MATCAP2: variants seen among roughly 807,000 people sequenced by gnomAD.
MATCAP2 encodes microtubule associated tyrosine carboxypeptidase 2, also known as putative tyrosine carboxypeptidase MATCAP2.
At chr7:36,341,480 T>C in the MATCAP2 span, among the ~76,000 whole-genome samples, 1 of 152,238 alleles carries the variant, frequency 6.6e-6, no homozygotes, top group South Asian at 2.1e-4. Context: ...TGAATATTTA[T>C]GCCCCACCCA....
chr7:36,333,096 C>T, the MATCAP2 span, among the ~76,000 whole-genome samples: 1 of 152,140 alleles, frequency 6.6e-6, no homozygotes, highest in African/African-American at 2.4e-5. Context: ...CAGACTTAAA[C>T]GTTCCTGCCT....
the MATCAP2 span, among the ~76,000 whole-genome samples, chr7:36,387,097 A>C: frequency 6.6e-6 from 1 of 152,216 alleles, no homozygotes; most frequent in African/African-American, 2.4e-5. Flanking sequence ...ATTAGTGAGG[A>C]TAAATCCCAT....
At chr7:36,334,697 C>G in the MATCAP2 span, among the ~76,000 whole-genome samples, 1 of 151,972 alleles carries the variant, frequency 6.6e-6, no homozygotes, top group African/African-American at 2.4e-5. Flanking sequence ...GAGGTATAAC[C>G]TTTATAACAA....
the MATCAP2 span, among the ~76,000 whole-genome samples, chr7:36,339,845 T>C: frequency 6.6e-6 from 1 of 152,226 alleles, no homozygotes; most frequent in South Asian, 2.1e-4. Context: ...ATAGATATTT[T>C]TTTTATTTTC....
the MATCAP2 span, among the ~76,000 whole-genome samples, chr7:36,365,060 C>T: frequency 2.3e-4 from 35 of 152,248 alleles, no homozygotes; most frequent in South Asian, 2.1e-4. Context: ...CTACTACTTT[C>T]TAAAGTATCT....
chr7:36,343,635 A>AAAAAG, the MATCAP2 span, among the ~76,000 whole-genome samples: 3 of 25,464 alleles, frequency 1.2e-4, no homozygotes, highest in Non-Finnish European at 3.1e-4. Context: ...AAAAGAAAAG[A>AAAAAG]AAAAGAAAAA....
At chr7:36,330,265 T>C in the MATCAP2 span, among the ~76,000 whole-genome samples, 1 of 151,756 alleles carries the variant, frequency 6.6e-6, no homozygotes, top group African/African-American at 2.4e-5. Context: ...TTAAAATTTT[T>C]TATAAAGACA....
At chr7:36,362,893 A>C in the MATCAP2 span, among the ~76,000 whole-genome samples, 100 of 152,284 alleles carry the variant, frequency 6.6e-4, no homozygotes, top group East Asian at 8.5e-3. Context: ...CTCTTCTTCG[A>C]AGTACTTTAT....
chr7:36,377,874 T>G, the MATCAP2 span, among the ~76,000 whole-genome samples: 1 of 152,254 alleles, frequency 6.6e-6, no homozygotes, highest in African/African-American at 2.4e-5. Context: ...CTGATATCCT[T>G]TCTTCCACTT....
chr7:36,325,795 T>A, the MATCAP2 span: 2 of 152,150 alleles, frequency 1.3e-5, no homozygotes, highest in Non-Finnish European at 2.9e-5. Context: ...TGATAAAATA[T>A]ACTGAACCAA....
At chr7:36,368,971 C>T in the MATCAP2 span, among the ~76,000 whole-genome samples, 3 of 152,162 alleles carry the variant, frequency 2.0e-5, no homozygotes, top group East Asian at 5.8e-4. Flanking sequence ...TTCATATTTC[C>T]TATAGCCCTT....
the MATCAP2 span, among the ~76,000 whole-genome samples, chr7:36,386,927 G>A: frequency 6.6e-6 from 1 of 152,032 alleles, no homozygotes; most frequent in African/African-American, 2.4e-5. Flanking sequence ...AGAAAGTTTT[G>A]CATGTGCATA....
chr7:36,366,891 G>T, the MATCAP2 span: 1 of 1,473,494 alleles, frequency 6.8e-7, no homozygotes, highest in Non-Finnish European at 8.9e-7. Context: ...CACCCCCGCC[G>T]CGGCCAGCCC....
chr7:36,355,741 T>C, the MATCAP2 span: 1 of 152,154 alleles, frequency 6.6e-6, no homozygotes, highest in African/African-American at 2.4e-5. Context: ...GTTTTACCTA[T>C]CCTACAAACA....
the MATCAP2 span, among the ~76,000 whole-genome samples, chr7:36,340,980 G>C: frequency 6.6e-6 from 1 of 152,204 alleles, no homozygotes; most frequent in Non-Finnish European, 1.5e-5. Context: ...TGAAGTTCAT[G>C]TCTGGGAATC....
At chr7:36,346,846 C>T in the MATCAP2 span, among the ~76,000 whole-genome samples, 1 of 152,146 alleles carries the variant, frequency 6.6e-6, no homozygotes, top group East Asian at 1.9e-4. Flanking sequence ...CTGCAACCTC[C>T]GCCTCCCGGG....
the MATCAP2 span, among the ~76,000 whole-genome samples, chr7:36,377,885 G>T: frequency 3.9e-5 from 6 of 151,934 alleles, no homozygotes; most frequent in African/African-American, 1.5e-4. Flanking sequence ...TCTTCCACTT[G>T]ATCGAATCAG....
the MATCAP2 span, among the ~76,000 whole-genome samples, chr7:36,343,699 G>A: frequency 6.7e-6 from 1 of 149,602 alleles, no homozygotes; most frequent in African/African-American, 2.5e-5. Flanking sequence ...AGGAAGGAAG[G>A]AAGAAAGAAA....
chr7:36,348,152 T>C, the MATCAP2 span, among the ~76,000 whole-genome samples: 1 of 152,162 alleles, frequency 6.6e-6, no homozygotes. Context: ...ATGGGATATA[T>C]ATACATACAT....
Sources: gnomAD v4.1 joint callset for allele counts (sites outside exome capture counted in the v4.1 genomes callset) on GRCh38, gnomAD v4.1.1 for gene constraint, MANE v1.5 for transcripts, NCBI Gene and HGNC (gene_info 2026-07-23, HGNC 2026-07-21) for gene names.